SPAST: variants seen among roughly 807,000 people sequenced by gnomAD.
SPAST encodes the protein spastin, also known as spastic paraplegia 4 (autosomal dominant; spastin).
SPAST carries 30 observed loss-of-function variants against 76.6 expected under a neutral mutation model. The ratio of observed to expected loss-of-function variants is 0.39; its 90% CI spans 0.29 to 0.53. The LOEUF is 0.53. SPAST is among the 20% of genes least tolerant of loss of function. The pLI is 0.68. For synonymous variants in SPAST, 305 were observed against 281.0 expected (o/e 1.09, Z -0.86); for missense variants, 717 against 770.5 (o/e 0.93, Z 0.82).
intron 3 of SPAST, among the ~76,000 whole-genome samples, chr2:32,095,599 G>T (rs1677886330): frequency 1.3e-5 from 2 of 151,560 alleles, no homozygotes; most frequent in Non-Finnish European, 2.9e-5. Flanking sequence ...GCCAGGAGTG[G>T]TGATGTGCAC....
At position 32,064,137 on chromosome 2, in the gene SPAST, C is replaced by T. The variant is rs974610241; in HGVS notation, c.306C>T (p.Ala102=). Residue 102 remains alanine, a synonymous_variant, in exon 1 of 17, where the codon GCC becomes GCT. Coordinates refer to ENST00000315285, the MANE Select transcript of SPAST (RefSeq NM_014946.4). ...SSGAAPAPAS[A]SAPAPVPGGE... is the part of the protein sequence containing the mutation. ...GGGCCGCGCCAGCACCTGCCTCGGC[C>T]TCGGCCCCGGCGCCGGTGCCGGGCG... 14 of 1,571,602 alleles carry T rather than the reference C, an allele frequency of 8.9e-6. No individual in the cohort carries two copies. The Admixed American group carries it at 1.7e-4, about 19-fold the overall frequency.
intron 3 of SPAST, among the ~76,000 whole-genome samples, chr2:32,096,789 T>G (rs936768151): frequency 5.9e-5 from 9 of 152,164 alleles, no homozygotes; most frequent in Non-Finnish European, 8.8e-5. Context: ...TTTTTTGATT[T>G]ATGCTTTTAC....
chr2:32,075,375 G>A lies in SPAST; in HGVS notation c.415+11129G>A, dbSNP rs1437291619. Reference sequence around the variant, plus strand: ...CAGGAGACAGAGCTTGCAGTGAGCCGAGATCGCGCCACTGCACCCCAGCCT... The same window carrying A: ...CAGGAGACAGAGCTTGCAGTGAGCCAAGATCGCGCCACTGCACCCCAGCCT... On this transcript the variant is annotated intron_variant, in intron 1 of 16. Coordinates refer to ENST00000315285, the MANE Select transcript of SPAST (RefSeq NM_014946.4). Among the ~76,000 whole-genome samples the A allele has an allele frequency of 3.6e-5, 5 of 139,668 alleles. No individual in the cohort carries two copies. The East Asian group carries it at 1.1e-3, about 31-fold the overall frequency. 91.6% of individuals were successfully genotyped at this position (139,668 alleles called of 152,430 possible). A position where few individuals can be genotyped will look rare whatever the true frequency, so the allele number is the denominator to read the frequency against.
chr2:32,081,357 G>A (rs1170940937), intron 1 of SPAST, among the ~76,000 whole-genome samples: 1 of 151,780 alleles, frequency 6.6e-6, no homozygotes, highest in African/African-American at 2.4e-5. Flanking sequence ...GCCTCCCAAA[G>A]TGCTGGAATT....
intron 16 of SPAST, among the ~76,000 whole-genome samples, chr2:32,151,515 T>C (rs1415274455): frequency 6.6e-6 from 1 of 152,196 alleles, no homozygotes; most frequent in African/African-American, 2.4e-5. Context: ...GTTTGCTCTC[T>C]AAAACTGTAT....
chr2:32,125,216 A>AT (rs997518922), intron 7 of SPAST, among the ~76,000 whole-genome samples: 12 of 151,236 alleles, frequency 7.9e-5, no homozygotes, highest in African/African-American at 2.4e-4. Flanking sequence ...TTTTATTTTT[A>AT]TTTTTTTTTA....
intron 3 of SPAST, among the ~76,000 whole-genome samples, chr2:32,090,448 C>G (rs915573303): frequency 6.6e-6 from 1 of 152,112 alleles, no homozygotes; most frequent in African/African-American, 2.4e-5. Context: ...TATTATACCT[C>G]TAAAAGATAA....
rs543201112 is a variant in SPAST, at chr2:32,137,315, T to G, written c.1493+127T>G. ...TTCACTATTTTCTTCCAGTACTATC[T>G]CTAGCCTCTTGTTACCAACTACATA... On this transcript the variant is annotated intron_variant, in intron 12 of 16. Transcript: ENST00000315285. 537 of 803,714 alleles carry G rather than the reference T, an allele frequency of 6.7e-4. 3 individuals are homozygous for G. In the African/African-American group the frequency reaches 7.9e-3, roughly 12 times the overall value. The allele number at this position is 803,714 out of a possible 1,614,324, so 49.8% of individuals were successfully genotyped here. A position where few individuals can be genotyped will look rare whatever the true frequency, so the allele number is the denominator to read the frequency against.
intron 4 of SPAST, among the ~76,000 whole-genome samples, chr2:32,106,079 C>G (rs1418490164): frequency 6.6e-6 from 1 of 152,198 alleles, no homozygotes; most frequent in East Asian, 1.9e-4. Flanking sequence ...CAGAGGCAGT[C>G]AGGCCTCCTT....
Position 32,134,298 on chromosome 2 carries a change from C to T in SPAST, c.1246-2265C>T, listed in dbSNP as rs191038281. Among the ~76,000 whole-genome samples the T allele has an allele frequency of 5.9e-3, 892 of 152,078 alleles. 11 individuals carry two copies. The highest frequency in any genetic ancestry group is 0.02 in the African/African-American group (834 of 41,446). On this transcript the variant is annotated intron_variant, in intron 9 of 16. Coordinates refer to ENST00000315285, the MANE Select transcript of SPAST (RefSeq NM_014946.4). The stretch of plus-strand genomic sequence containing the variant: ...CAGGCGAATCACAAGGTCAGGAGTT[C>T]GAGACCAGCCTGGCTAACATGGTGA...
chr2:32,090,250 G>T (rs1269563124), intron 3 of SPAST, among the ~76,000 whole-genome samples: 1 of 152,088 alleles, frequency 6.6e-6, no homozygotes. Context: ...ATTGTCTATG[G>T]CTTTCATGCT....
intron 16 of SPAST, among the ~76,000 whole-genome samples, chr2:32,148,099 A>AT (rs1679956905): frequency 6.6e-6 from 1 of 151,538 alleles, no homozygotes; most frequent in Non-Finnish European, 1.5e-5. Flanking sequence ...CGCCCCACTA[A>AT]TTTTTTAATT....
At chr2:32,117,043 G>C (rs542862729) in intron 7 of SPAST, among the ~76,000 whole-genome samples, 179 of 152,042 alleles carry the variant, frequency 1.2e-3, no homozygotes, top group Non-Finnish European at 1.8e-3. Flanking sequence ...GGCAGATCAC[G>C]AGGTCAAGAG....
rs118188289 is a variant in SPAST at position 32,142,997 on chromosome 2, G to A, written c.1537-339G>A. ...TGCTATGTTTTTATCCAGGTGTGGT[G>A]TCTCACGCCTATAATCCCAACACTT... is the stretch of plus-strand genomic sequence containing the variant. On this transcript the variant is annotated intron_variant, in intron 13 of 16. Coordinates refer to ENST00000315285, the MANE Select transcript of SPAST (RefSeq NM_014946.4). Among the ~76,000 whole-genome samples the A allele has an allele frequency of 5.3e-5, 8 of 152,258 alleles. No homozygotes were observed. The East Asian group carries it at 1.5e-3, about 29-fold the overall frequency.
chr2:32,122,312 G>C (rs1184712049), intron 7 of SPAST, among the ~76,000 whole-genome samples: 1 of 151,966 alleles, frequency 6.6e-6, no homozygotes, highest in Non-Finnish European at 1.5e-5. Flanking sequence ...GAAATTACTA[G>C]GTTTTGTTTT....
At chr2:32,120,570 G>GAC (rs1678983944) in intron 7 of SPAST, among the ~76,000 whole-genome samples, 1 of 130,464 alleles carries the variant, frequency 7.7e-6, no homozygotes, top group African/African-American at 2.8e-5. Flanking sequence ...GTTAACTCAG[G>GAC]TCTTTTTTTT....
chr2:32,087,533 A>C lies in SPAST; in HGVS notation c.457A>C (p.Ile153Leu). ...AGCTGTGGAATGGTATAAGAAAGGT[A>C]TTGAAGAACTGGAAAAAGGAATAGC... ...EQAVEWYKKG[I>L]EELEKGIAVI... The change falls in exon 2 of 17, where the codon ATT (isoleucine) becomes CTT (leucine). Residue 153 changes from isoleucine to leucine, a missense_variant. Around this residue, in one of 3 missense-constraint regions of SPAST, gnomAD observed 543 missense variants for 445.2 expected, o/e 1.22. Coordinates refer to ENST00000315285, the MANE Select transcript of SPAST (RefSeq NM_014946.4). 1 of 1,609,346 alleles carries C rather than the reference A, an allele frequency of 6.2e-7. No homozygotes were observed. The highest frequency in any genetic ancestry group is 8.5e-7 in the Non-Finnish European group (1 of 1,176,444).
intron 4 of SPAST, among the ~76,000 whole-genome samples, chr2:32,104,493 T>G (rs890915624): frequency 1.3e-5 from 2 of 152,192 alleles, no homozygotes; most frequent in South Asian, 2.1e-4. Flanking sequence ...ATCCTGTCAT[T>G]ATGATGTTAG....
In SPAST at chr2:32,156,295, C is replaced by G. The variant is rs1015978853; in HGVS notation, c.*1799C>G. 6.6e-6 allele frequency: 1 copy of G among 152,248 alleles called. No individual in the cohort carries two copies. The highest frequency in any genetic ancestry group is 2.4e-5 in the African/African-American group (1 of 41,438). 9.4% of individuals were successfully genotyped at this position (152,248 alleles called of 1,614,324 possible). ...CAGGTGATCCGCCTGCCTCGGCCTC[C>G]CAAAGTGCTGGGATTACAGGCATAA... On this transcript the variant is annotated 3_prime_UTR_variant, in exon 17 of 17. Coordinates refer to ENST00000315285, the MANE Select transcript of SPAST (RefSeq NM_014946.4).
Sources: gnomAD v4.1 joint callset for allele counts (sites outside exome capture counted in the v4.1 genomes callset) on GRCh38, gnomAD v4.1.1 for gene constraint, gnomAD v4.1.1 regional missense constraint, MANE v1.5 for transcripts, NCBI Gene and HGNC (gene_info 2026-07-23, HGNC 2026-07-21) for gene names.